NVL: variants seen among roughly 807,000 people sequenced by gnomAD.
NVL encodes nuclear VCP like.
Under a neutral mutation model 110.2 loss-of-function variants are expected in NVL, and 84 were observed. The observed-to-expected ratio is 0.76, with a 90% CI of 0.64 to 0.91. The LOEUF is 0.91. Among genes scored for constraint, NVL ranks in the 40% least tolerant of loss-of-function variants. The pLI, the probability that NVL is intolerant of heterozygous loss-of-function variation, is 0.00. For missense variants in NVL, 882 were observed against 1,035.9 expected (o/e 0.85, Z 2.04); for synonymous variants, 354 against 361.1 (o/e 0.98, Z 0.22).
chr1:224,304,413 C>T (rs562150530), intron 8 of NVL, among the ~76,000 whole-genome samples: 1 of 151,888 alleles, frequency 6.6e-6, no homozygotes, highest in East Asian at 1.9e-4. Context: ...GACAGAGCTA[C>T]ACTCCTTCTC....
chr1:224,267,404 C>T (rs1571887445), intron 18 of NVL, among the ~76,000 whole-genome samples: 1 of 152,058 alleles, frequency 6.6e-6, no homozygotes, highest in African/African-American at 2.4e-5. Flanking sequence ...AAAGTGTATG[C>T]TGGTCGGGTG....
intron 4 of NVL, chr1:224,312,094 G>C (rs947565192): frequency 2.5e-5 from 10 of 396,536 alleles, no homozygotes; most frequent in Admixed American, 1.7e-4. Flanking sequence ...CTGTCTCCCA[G>C]GGTTATTAAA....
At chr1:224,294,001 C>T (rs572483203) in intron 12 of NVL, among the ~76,000 whole-genome samples, 1 of 152,278 alleles carries the variant, frequency 6.6e-6, no homozygotes, top group African/African-American at 2.4e-5. Flanking sequence ...GACAGGGTCA[C>T]ACTATGTTGC....
intron 10 of NVL, chr1:224,298,466 C>T (rs1668088884): frequency 5.9e-6 from 1 of 170,260 alleles, no homozygotes; most frequent in East Asian, 1.5e-4. Context: ...TTCTGAAACA[C>T]ATGGAGGAAA....
intron 18 of NVL, among the ~76,000 whole-genome samples, chr1:224,259,901 C>T (rs1015353690): frequency 4.0e-5 from 6 of 151,544 alleles, no homozygotes; most frequent in Admixed American, 3.9e-4. Flanking sequence ...AACTCCTGGC[C>T]TCAAGTGATC....
chr1:224,287,423 A>C (rs561121476), intron 14 of NVL, among the ~76,000 whole-genome samples: 1 of 152,348 alleles, frequency 6.6e-6, no homozygotes, highest in South Asian at 2.1e-4. Flanking sequence ...AGCTAGAAGA[A>C]AAAAAGTATA....
chr1:224,314,994 A>C (rs1192731080), intron 4 of NVL, among the ~76,000 whole-genome samples: 1 of 152,072 alleles, frequency 6.6e-6, no homozygotes, highest in Non-Finnish European at 1.5e-5. Context: ...CTGGGCGACA[A>C]GAGTGAGACT....
intron 19 of NVL, among the ~76,000 whole-genome samples, chr1:224,243,715 G>A (rs1195924838): frequency 7.3e-6 from 1 of 137,632 alleles, no homozygotes; most frequent in Admixed American, 7.9e-5. Context: ...AGGCTGGAAT[G>A]CAGTGGTACA....
At chr1:224,304,225 G>C (rs557258724) in intron 8 of NVL, among the ~76,000 whole-genome samples, 2 of 152,220 alleles carry the variant, frequency 1.3e-5, no homozygotes, top group Non-Finnish European at 2.9e-5. Flanking sequence ...AGGAGATCAA[G>C]ACCATCCTGG....
intron 18 of NVL, among the ~76,000 whole-genome samples, chr1:224,258,968 T>C (rs1663613348): frequency 9.3e-6 from 1 of 108,004 alleles, no homozygotes; most frequent in African/African-American, 3.4e-5. Context: ...CATGAGACCC[T>C]GTCTCTACAT....
intron 1 of NVL, among the ~76,000 whole-genome samples, chr1:224,329,177 C>G (rs1671438478): frequency 6.6e-6 from 1 of 152,032 alleles, no homozygotes; most frequent in African/African-American, 2.4e-5. Flanking sequence ...TGCCCATAAA[C>G]AGCCACTGCA....
At chr1:224,236,767 T>C (rs1976787) in intron 19 of NVL, 185 bp from the exon 20 acceptor site, 490,322 of 490,438 alleles carry the variant, frequency 1, 245,104 homozygotes, top group Middle Eastern at 1. Flanking sequence ...AAAAATTAGC[T>C]GGGCGTTATG....
At chr1:224,249,638 G>C (rs929728120) in intron 19 of NVL, among the ~76,000 whole-genome samples, 3 of 152,096 alleles carry the variant, frequency 2.0e-5, no homozygotes, top group African/African-American at 7.2e-5. Context: ...CCAGCTACTC[G>C]GGAGGCTGAG....
At position 224,275,424 on chromosome 1, in the gene NVL, A is replaced by G; in HGVS notation, c.1997T>C (p.Val666Ala). The G allele has an allele frequency of 6.2e-7, 1 of 1,614,142 alleles. No individual in the cohort carries two copies. The highest frequency in any genetic ancestry group is 8.5e-7 in the Non-Finnish European group (1 of 1,180,028). ...TGCTGAGTTCTTGGCTCGTTGAAAA[A>G]CTTGTCGCACAGCACGTTCACTCTC... ...VGESERAVRQ[V>A]FQRAKNSAPC... The change falls in exon 17 of 23, where the codon GTT (valine) becomes GCT (alanine). Residue 666 changes from valine to alanine, a missense_variant. By Grantham distance (64) the Val-to-Ala change is moderately conservative. Around this residue, in one of 4 missense-constraint regions of NVL, gnomAD observed 66 missense variants for 127.5 expected, o/e 0.52. Coordinates refer to ENST00000281701, the MANE Select transcript of NVL (RefSeq NM_002533.4).
At chr1:224,304,908 T>A in intron 7 of NVL, 96 bp from the exon 8 acceptor site, 1 of 1,494,042 alleles carries the variant, frequency 6.7e-7, no homozygotes, top group South Asian at 1.2e-5. Context: ...GTCCATTAAA[T>A]ATAGAAATAT....
At chr1:224,296,077 G>A (rs1667857497) in intron 11 of NVL, among the ~76,000 whole-genome samples, 1 of 151,840 alleles carries the variant, frequency 6.6e-6, no homozygotes, top group African/African-American at 2.4e-5. Flanking sequence ...GCTGCGGTGA[G>A]CTGTGATTGT....
chr1:224,308,787 C>T (rs994756329), intron 5 of NVL, among the ~76,000 whole-genome samples: 6 of 151,688 alleles, frequency 4.0e-5, no homozygotes, highest in African/African-American at 1.5e-4. Flanking sequence ...CTCGGCCGGG[C>T]GCAGTGGCTC....
chr1:224,250,200 T>G lies in NVL; in HGVS notation c.2289+12A>C. On this transcript the variant is annotated intron_variant, in intron 19 of 22. Transcript: ENST00000281701. ...GAAACATATACAAAAATATACCATT[T>G]CCTTTACTCACTTTTGTGATAGTTT... 1.9e-6 allele frequency: 3 copies of G among 1,608,328 alleles called. No homozygotes were observed. Among genetic ancestry groups the G allele is most frequent in the Non-Finnish European group, 2.5e-6 (3 of 1,178,112 alleles).
chr1:224,312,992 T>G (rs752233469), intron 4 of NVL: 1 of 241,344 alleles, frequency 4.1e-6, no homozygotes, highest in South Asian at 4.0e-5. Flanking sequence ...ACTCTGTCTC[T>G]ACAAAAAAAT....
Sources: allele counts gnomAD v4.1 joint callset (sites outside exome capture counted in the v4.1 genomes callset), GRCh38; gene constraint gnomAD v4.1.1; regional missense constraint gnomAD v4.1.1; transcripts MANE v1.5; gene names NCBI Gene and HGNC (gene_info 2026-07-23, HGNC 2026-07-21).